PCDHGA2: variants seen among roughly 807,000 people sequenced by gnomAD.
PCDHGA2 encodes the protein protocadherin gamma-A2.
PCDHGA2 carries 40 observed loss-of-function variants against 59.2 expected under a neutral mutation model. The observed-to-expected ratio is 0.68, with a 90% CI of 0.52 to 0.88. The LOEUF is 0.88. Ranked by LOEUF, PCDHGA2 falls within the 40% of genes least tolerant of loss-of-function variation. The pLI, the probability that PCDHGA2 is intolerant of heterozygous loss-of-function variation, is 0.00. For synonymous variants in PCDHGA2, 560 were observed against 526.0 expected (o/e 1.06, Z -0.89); for missense variants, 1,226 against 1,204.0 (o/e 1.02, Z -0.27).
chr5:141,413,747 A>C, intron 1 of PCDHGA2: 1 of 1,613,348 alleles, frequency 6.2e-7, no homozygotes. Flanking sequence ...AGCCGTGCCA[A>C]TGGCGTCAAG....
intron 1 of PCDHGA2, chr5:141,398,904 C>A (rs1487711986): frequency 3.1e-6 from 5 of 1,613,930 alleles, no homozygotes; most frequent in Non-Finnish European, 3.4e-6. Context: ...CACCAGGCAC[C>A]ACTGTGTTGC....
At chr5:141,384,071 CT>C in intron 1 of PCDHGA2, 1 of 1,603,192 alleles carries the variant, frequency 6.2e-7, no homozygotes. Context: ...GAAAACCTAC[CT>C]TTTAAATTAG....
chr5:141,355,479 G>A (rs1190263838), intron 1 of PCDHGA2: 5 of 1,613,976 alleles, frequency 3.1e-6, no homozygotes, highest in Non-Finnish European at 4.2e-6. Flanking sequence ...TAGACAGGGA[G>A]GAGCTCTGCG....
intron 1 of PCDHGA2, chr5:141,366,750 A>G: frequency 1.9e-6 from 3 of 1,607,760 alleles, no homozygotes; most frequent in Non-Finnish European, 2.6e-6. Flanking sequence ...CGGCGAGTTC[A>G]GGTTAGTTTT....
rs764389909 is a variant in PCDHGA2, at chr5:141,491,064, ACTGTTG to A, written c.2425-3741_2425-3736del. On this transcript the variant is annotated intron_variant, in intron 1 of 3. Transcript: ENST00000394576. The surrounding 1 kb of genome is among the most constrained non-coding windows in gnomAD (Gnocchi z 6.9). ...GCCACAATGCGTGGCTCTCCTACTCACTGTTGCCACAGTCCACAGCCCCAGGACTGT... is the reference window on the plus strand; with the variant it reads ...GCCACAATGCGTGGCTCTCCTACTCACCACAGTCCACAGCCCCAGGACTGT... 1.2e-6 allele frequency: 2 copies of A among 1,613,962 alleles called. No homozygotes were observed. Among genetic ancestry groups the A allele is most frequent in the Admixed American group, 3.3e-5 (2 of 60,010 alleles).
chr5:141,425,714 A>G (rs1259037833), intron 1 of PCDHGA2, among the ~76,000 whole-genome samples: 1 of 152,218 alleles, frequency 6.6e-6, no homozygotes, highest in African/African-American at 2.4e-5. Context: ...AAATTTTCCC[A>G]TACCACTTGA....
chr5:141,389,223 G>C lies in PCDHGA2; in HGVS notation c.2424+47828G>C, dbSNP rs570029585. 4 of 1,613,876 alleles carry C rather than the reference G, an allele frequency of 2.5e-6. No individual in the cohort carries two copies. Among genetic ancestry groups the C allele is most frequent in the South Asian group, 2.2e-5 (2 of 91,090 alleles). Reference sequence around the variant, plus strand: ...GCACATTGGTGATGTAAATGACAACGCTCCGGTTTTCTCACAGTCTTCCTA... The same window carrying C: ...GCACATTGGTGATGTAAATGACAACCCTCCGGTTTTCTCACAGTCTTCCTA... On this transcript the variant is annotated intron_variant, in intron 1 of 3. Coordinates refer to ENST00000394576, the MANE Select transcript of PCDHGA2 (RefSeq NM_018915.4).
rs763433178 is a variant in PCDHGA2, at chr5:141,409,635, A to G, written c.2424+68240A>G. On this transcript the variant is annotated intron_variant, in intron 1 of 3. Transcript: ENST00000394576. ...TCCATTGCGCAAGTGAGCGCCTCTG[A>G]CCCGGATTTGGGGCTCAATGGCCAC... 3 of 1,613,784 alleles carry G rather than the reference A, an allele frequency of 1.9e-6. No individual in the cohort carries two copies. The South Asian group carries it at 3.3e-5, about 18-fold the overall frequency.
intron 1 of PCDHGA2, chr5:141,414,409 A>G: frequency 1.2e-6 from 2 of 1,613,870 alleles, no homozygotes; most frequent in Non-Finnish European, 8.5e-7. Flanking sequence ...GGTGATACAC[A>G]GAGCCCTTGA....
chr5:141,427,810 G>A (rs2097074260), intron 1 of PCDHGA2: 1 of 1,523,990 alleles, frequency 6.6e-7, no homozygotes, highest in Non-Finnish European at 9.0e-7. Flanking sequence ...AGCGCACAGA[G>A]CGGGGTGGTG....
At chr5:141,414,888 C>T (rs1452402953) in intron 1 of PCDHGA2, 2 of 1,614,210 alleles carry the variant, frequency 1.2e-6, no homozygotes, top group Non-Finnish European at 1.7e-6. Flanking sequence ...ACCCCGCCCT[C>T]CCCACAGACG....
At chr5:141,357,491 G>A in intron 1 of PCDHGA2, 1 of 1,614,224 alleles carries the variant, frequency 6.2e-7, no homozygotes, top group African/African-American at 1.3e-5. Context: ...GCGGACTCGC[G>A]GAAGAGTCAC....
intron 1 of PCDHGA2, chr5:141,389,283 GC>G (rs775524674): frequency 6.2e-7 from 1 of 1,614,022 alleles, no homozygotes; most frequent in South Asian, 1.1e-5. Context: ...CCCGCCTGGA[GC>G]CTCTATTTCA....
intron 1 of PCDHGA2, chr5:141,364,103 C>G: frequency 2.4e-6 from 1 of 411,126 alleles, no homozygotes; most frequent in East Asian, 3.6e-5. Flanking sequence ...GATGCAGTCA[C>G]TGGTTAGGAC....
intron 1 of PCDHGA2, chr5:141,398,830 G>A: frequency 6.2e-7 from 1 of 1,613,946 alleles, no homozygotes; most frequent in Non-Finnish European, 8.5e-7. Flanking sequence ...GGTAACCGAC[G>A]CCAATGATAA....
chr5:141,445,035 T>C (rs1438748354), intron 1 of PCDHGA2, among the ~76,000 whole-genome samples: 1 of 152,208 alleles, frequency 6.6e-6, no homozygotes, highest in Admixed American at 6.5e-5. Flanking sequence ...CTATGTTGTA[T>C]AGTTTTCAGT....
chr5:141,505,363 T>A, intron 2 of PCDHGA2, 30 bp from the exon 3 acceptor site: 1 of 1,613,360 alleles, frequency 6.2e-7, no homozygotes, highest in Non-Finnish European at 8.5e-7. Context: ...GGCCTGGGAG[T>A]CTGTGCTCAC....
At position 141,486,837 on chromosome 5, in the gene PCDHGA2, T is replaced by G; in HGVS notation, c.2425-7970T>G. The G allele has an allele frequency of 6.2e-7, 1 of 1,614,256 alleles. No individual in the cohort carries two copies. The highest frequency in any genetic ancestry group is 8.5e-7 in the Non-Finnish European group (1 of 1,180,044). ...AGCACTGTAACAGTTCGTCTATTTG[T>G]GCTGGACCTCAATGACAATGCTCCA... On this transcript the variant is annotated intron_variant, in intron 1 of 3. Transcript: ENST00000394576. The surrounding 1 kb of genome is among the most constrained non-coding windows in gnomAD (Gnocchi z 5.0).
chr5:141,362,960 A>C (rs900471696), intron 1 of PCDHGA2, among the ~76,000 whole-genome samples: 10 of 152,248 alleles, frequency 6.6e-5, no homozygotes, highest in African/African-American at 2.4e-4. Context: ...GAAATTGGGA[A>C]ACAAAGAAGA....
Sources: gnomAD v4.1 joint callset for allele counts (sites outside exome capture counted in the v4.1 genomes callset) on GRCh38, gnomAD v4.1.1 for gene constraint, Gnocchi (gnomAD v3.1) non-coding constraint, MANE v1.5 for transcripts, NCBI Gene and HGNC (gene_info 2026-07-23, HGNC 2026-07-21) for gene names.